GAPVD1: variants seen among roughly 807,000 people sequenced by gnomAD.
The protein encoded by GAPVD1 is GTPase-activating protein and VPS9 domain-containing protein 1.
GAPVD1 carries 35 observed loss-of-function variants against 155.5 expected under a neutral mutation model. The observed-to-expected ratio is 0.23, with a 90% CI of 0.17 to 0.30. The LOEUF (loss-of-function observed/expected upper bound fraction) is 0.30, where lower values mean the gene tolerates loss of function less well. GAPVD1 is among the 10% of genes least tolerant of loss of function. The pLI is 1.00. For synonymous variants in GAPVD1, 636 were observed against 619.7 expected (o/e 1.03, Z -0.39); for missense variants, 1,429 against 1,775.7 (o/e 0.80, Z 3.51).
At chr9:125,349,270 C>T in intron 20 of GAPVD1, 120 bp from the exon 21 acceptor site, 9 of 776,380 alleles carry the variant, frequency 1.2e-5, no homozygotes, top group South Asian at 5.0e-5. Flanking sequence ...CTTTTTTTTC[C>T]AGAGAACTCT....
intron 11 of GAPVD1, among the ~76,000 whole-genome samples, chr9:125,324,466 G>A (rs1273088785): frequency 6.6e-6 from 1 of 152,146 alleles, no homozygotes; most frequent in Non-Finnish European, 1.5e-5. Flanking sequence ...GCACATGCCT[G>A]TAATCCCAGC....
rs551496647 is a variant in GAPVD1 at position 125,277,685 on chromosome 9, GT to G, written c.-150+8717del. On this transcript the variant is annotated intron_variant, in intron 2 of 27. Coordinates refer to ENST00000297933, the MANE Select transcript of GAPVD1 (RefSeq NM_001282680.3). ...TAAGTAAAGCATACTATGCTTGTCT[GT>G]TTTTTTTTTTTTTTTGAGACAGGGT... 9.1e-3 allele frequency among the ~76,000 whole-genome samples: 1,250 copies of G among 137,172 alleles called. 17 individuals carry two copies. The highest frequency in any genetic ancestry group is 0.031 in the South Asian group (132 of 4,302). 90.0% of individuals were successfully genotyped at this position (137,172 alleles called of 152,430 possible).
At chr9:125,322,344 G>A (rs1182972461) in intron 10 of GAPVD1, among the ~76,000 whole-genome samples, 5 of 151,964 alleles carry the variant, frequency 3.3e-5, no homozygotes, top group African/African-American at 4.8e-5. Context: ...GATTACAGGC[G>A]TGAGCCACCG....
At chr9:125,307,593 T>A in intron 7 of GAPVD1, 46 bp downstream of exon 7, 2 of 1,588,684 alleles carry the variant, frequency 1.3e-6, no homozygotes, top group Non-Finnish European at 8.6e-7. Context: ...GTCTTTTAGC[T>A]AAGCGTGAGC....
chr9:125,265,982 CTGTT>C (rs996197571), intron 1 of GAPVD1, among the ~76,000 whole-genome samples: 3 of 138,282 alleles, frequency 2.2e-5, no homozygotes, highest in Non-Finnish European at 3.1e-5. Context: ...GAAAAAAAAA[CTGTT>C]GGTTGAGTGT....
chr9:125,319,338 C>A (rs1264972767), intron 9 of GAPVD1, among the ~76,000 whole-genome samples: 1 of 151,428 alleles, frequency 6.6e-6, no homozygotes, highest in East Asian at 1.9e-4. Flanking sequence ...TGCACCACTG[C>A]ACTCCAGCCT....
At chr9:125,270,495 A>G (rs760879934) in intron 2 of GAPVD1, among the ~76,000 whole-genome samples, 10 of 152,118 alleles carry the variant, frequency 6.6e-5, no homozygotes, top group Non-Finnish European at 1.3e-4. Context: ...TTTTCTGGAT[A>G]TGTTTCAATA....
chr9:125,284,172 C>T (rs573363584), intron 2 of GAPVD1, among the ~76,000 whole-genome samples: 52 of 142,628 alleles, frequency 3.6e-4, no homozygotes, highest in African/African-American at 1.2e-3. Flanking sequence ...CACTGAGCCC[C>T]GCCAGAACTT....
chr9:125,295,927 T>C (rs1409193180), intron 3 of GAPVD1, among the ~76,000 whole-genome samples: 1 of 152,136 alleles, frequency 6.6e-6, no homozygotes, highest in African/African-American at 2.4e-5. Context: ...AACTCAGTCA[T>C]ATATTTGTTC....
At chr9:125,336,402 T>C (rs1399964719) in intron 15 of GAPVD1, among the ~76,000 whole-genome samples, 1 of 152,176 alleles carries the variant, frequency 6.6e-6, no homozygotes, top group Non-Finnish European at 1.5e-5. Context: ...TATTTTAAAG[T>C]TATTTGCTGA....
At chr9:125,304,998 A>T in intron 5 of GAPVD1, 65 bp from the exon 6 acceptor site, 1 of 1,023,716 alleles carries the variant, frequency 9.8e-7, no homozygotes, top group Non-Finnish European at 1.5e-6. Flanking sequence ...GCTTGCTTTC[A>T]TAGAGACGTA....
intron 1 of GAPVD1, among the ~76,000 whole-genome samples, chr9:125,263,282 C>G (rs1358401752): frequency 1.3e-5 from 2 of 152,172 alleles, no homozygotes; most frequent in Non-Finnish European, 2.9e-5. Context: ...AACCCCATCT[C>G]TACTAAAAAT....
intron 1 of GAPVD1, among the ~76,000 whole-genome samples, chr9:125,265,862 G>T (rs958855353): frequency 1.4e-5 from 2 of 144,366 alleles, no homozygotes; most frequent in African/African-American, 5.1e-5. Context: ...GAACCCGGGA[G>T]TTCAAGACCA....
At position 125,299,029 on chromosome 9, in the gene GAPVD1, G is replaced by A. The variant is rs1235773608; in HGVS notation, c.108G>A (p.Lys36=). Residue 36 remains lysine, a synonymous_variant, in exon 4 of 28, where the codon AAG becomes AAA. Transcript: ENST00000297933. ...AGAGGCTCAATGCAGATGTACTTAA[G>A]ACAGCTGAAAAGTTGTATCGTACAG... is the stretch of plus-strand genomic sequence containing the variant. ...LIQRLNADVL[K]TAEKLYRTAW... is the part of the protein sequence containing the mutation. The A allele has an allele frequency of 6.2e-7, 1 of 1,611,886 alleles. No homozygotes were observed. Among genetic ancestry groups the A allele is most frequent in the Non-Finnish European group, 8.5e-7 (1 of 1,178,186 alleles).
intron 14 of GAPVD1, among the ~76,000 whole-genome samples, chr9:125,332,309 A>G (rs1024009727): frequency 1.3e-5 from 2 of 152,194 alleles, no homozygotes; most frequent in African/African-American, 4.8e-5. Context: ...CTACTTTAGA[A>G]TTGTACGATT....
At chr9:125,265,521 C>T (rs948999798) in intron 1 of GAPVD1, among the ~76,000 whole-genome samples, 4 of 151,466 alleles carry the variant, frequency 2.6e-5, no homozygotes, top group Non-Finnish European at 5.9e-5. Flanking sequence ...AGCGATTCTC[C>T]TGCCTCAGTC....
intron 23 of GAPVD1, 52 bp from the exon 24 acceptor site, chr9:125,354,602 G>A: frequency 8.5e-7 from 1 of 1,182,740 alleles, no homozygotes. Context: ...ATTCTTCAAA[G>A]AGAGTATGCA....
chr9:125,281,692 A>G (rs945792918), intron 2 of GAPVD1, among the ~76,000 whole-genome samples: 1 of 152,166 alleles, frequency 6.6e-6, no homozygotes, highest in African/African-American at 2.4e-5. Context: ...TCAGGATCCC[A>G]TTCAGCATAC....
At chr9:125,340,272 C>T (rs561869103) in intron 17 of GAPVD1, among the ~76,000 whole-genome samples, 3 of 152,304 alleles carry the variant, frequency 2.0e-5, no homozygotes, top group African/African-American at 7.2e-5. Context: ...CCACCCACCT[C>T]GGCCTTCCAA....
Sources: allele counts gnomAD v4.1 joint callset (sites outside exome capture counted in the v4.1 genomes callset), GRCh38; gene constraint gnomAD v4.1.1; transcripts MANE v1.5; gene names NCBI Gene and HGNC (gene_info 2026-07-23, HGNC 2026-07-21).